Variants in HHIPL1 observed in about 807,000 individuals in gnomAD.
HHIPL1 encodes HHIP like 1.
HHIPL1 carries 43 observed loss-of-function variants against 61.8 expected under a neutral mutation model. The ratio of observed to expected loss-of-function variants is 0.70; its 90% confidence interval spans 0.55 to 0.90. HHIPL1 has a LOEUF of 0.90. HHIPL1 is among the 40% of genes least tolerant of loss of function. The pLI is 0.00. For missense variants in HHIPL1, 1,056 were observed against 1,157.7 expected, an observed-to-expected ratio of 0.91 and a Z score of 1.28; for synonymous variants, 482 against 515.8, an observed-to-expected ratio of 0.93 and a Z score of 0.89.
the HHIPL1 span, among the ~76,000 whole-genome samples, chr14:99,614,824 A>G: frequency 6.6e-6 from 1 of 152,224 alleles, no homozygotes; most frequent in African/African-American, 2.4e-5. Context: ...CGTTCACTTA[A>G]TGCCCTGATT....
chr14:99,635,285 G>C, the HHIPL1 span, among the ~76,000 whole-genome samples: 1 of 152,192 alleles, frequency 6.6e-6, no homozygotes, highest in Non-Finnish European at 1.5e-5. Flanking sequence ...TGGGACTTAG[G>C]GGCAAAGCAG....
chr14:99,633,273 G>A, the HHIPL1 span, among the ~76,000 whole-genome samples: 15 of 152,308 alleles, frequency 9.8e-5, no homozygotes, highest in Admixed American at 2.6e-4. Context: ...GGGAGGGTGC[G>A]CCAACCCCTG....
the HHIPL1 span, among the ~76,000 whole-genome samples, chr14:99,631,048 T>TCTTCTTTCTTTC: frequency 5.8e-5 from 7 of 120,430 alleles, no homozygotes; most frequent in African/African-American, 2.2e-4. Flanking sequence ...AGTGGCTCCA[T>TCTTCTTTCTTTC]TTTCTTTCTT....
the HHIPL1 span, among the ~76,000 whole-genome samples, chr14:99,627,286 A>G: frequency 6.6e-6 from 1 of 151,448 alleles, no homozygotes; most frequent in Non-Finnish European, 1.5e-5. This position sits in a 1 kb window ranked among gnomAD's most constrained non-coding sequence, Gnocchi z 4.4. Flanking sequence ...CTGTTCATCT[A>G]TTCATCCATC....
At chr14:99,647,676 C>T (rs145024506) in intron 1 of HHIPL1, among the ~76,000 whole-genome samples, 2,786 of 152,282 alleles carry the variant, frequency 0.018, 41 homozygotes, top group Non-Finnish European at 0.031. Context: ...AGCATGCTGG[C>T]GGGAGGACCA....
chr14:99,675,425 G>A lies in HHIPL1; in HGVS notation c.2148G>A (p.Leu716=), dbSNP rs1287558165. ...ISGAAVVCRQ[L]GFAYAVRAVK... is the part of the protein sequence containing the mutation. ...GCGCCGCCGTCGTGTGTCGCCAGCT[G>A]GGGTTTGCCTACGCCGTGCGCGCCG... is the stretch of plus-strand genomic sequence containing the variant. The change falls in exon 9 of 9, where the codon CTG becomes CTA. Residue 716 remains leucine (L), a synonymous_variant. Coordinates refer to ENST00000330710, the MANE Select transcript of HHIPL1 (RefSeq NM_001127258.3). The surrounding 1 kb of genome is among the most constrained non-coding windows in gnomAD (Gnocchi z 5.4). 1.3e-6 allele frequency: 2 copies of A among 1,533,640 alleles called. No homozygotes were observed. The highest frequency in any genetic ancestry group is 8.7e-7 in the Non-Finnish European group (1 of 1,143,634).
At chr14:99,629,664 AT>A in the HHIPL1 span, among the ~76,000 whole-genome samples, 145,869 of 150,836 alleles carry the variant, frequency 0.97, 70,710 homozygotes, top group East Asian at 1. Flanking sequence ...CGCCCGGCTA[AT>A]TTTTTTTTTT....
the HHIPL1 span, among the ~76,000 whole-genome samples, chr14:99,637,390 G>A: frequency 2.0e-5 from 3 of 151,878 alleles, no homozygotes; most frequent in African/African-American, 7.3e-5. Context: ...GGTGAAACCC[G>A]GTCTCTACTA....
chr14:99,612,312 C>T, the HHIPL1 span, among the ~76,000 whole-genome samples: 2 of 152,130 alleles, frequency 1.3e-5, no homozygotes, highest in African/African-American at 4.8e-5. Flanking sequence ...GGGATTATTA[C>T]AATTCAAGGT....
the HHIPL1 span, among the ~76,000 whole-genome samples, chr14:99,605,631 A>C: frequency 6.6e-6 from 1 of 152,202 alleles, no homozygotes; most frequent in African/African-American, 2.4e-5. Flanking sequence ...CAGGATGGGG[A>C]GAAGATAGAC....
chr14:99,642,762 G>A (rs1196770772), upstream of HHIPL1, among the ~76,000 whole-genome samples: 1 of 152,032 alleles, frequency 6.6e-6, no homozygotes, highest in East Asian at 1.9e-4. Flanking sequence ...CTGACATCGT[G>A]ATCCGCCCAC....
chr14:99,609,372 G>C, the HHIPL1 span, among the ~76,000 whole-genome samples: 1 of 152,292 alleles, frequency 6.6e-6, no homozygotes, highest in Non-Finnish European at 1.5e-5. Context: ...TCTGCACCAG[G>C]ACTATCTTCC....
chr14:99,643,527 C>G (rs1314895598), upstream of HHIPL1, among the ~76,000 whole-genome samples: 1 of 152,214 alleles, frequency 6.6e-6, no homozygotes, highest in East Asian at 1.9e-4. Context: ...ATGGCTGTGG[C>G]CCAGGCTCTG....
At chr14:99,640,050 T>C in the HHIPL1 span, among the ~76,000 whole-genome samples, 6 of 152,248 alleles carry the variant, frequency 3.9e-5, no homozygotes, top group Admixed American at 3.9e-4. Context: ...TTGATAGAGA[T>C]GGATTACCAT....
Position 99,652,281 on chromosome 14 carries a change from C to G in HHIPL1, c.313C>G (p.Arg105Gly). 1 of 1,613,790 alleles carries G rather than the reference C, an allele frequency of 6.2e-7. No individual in the cohort carries two copies. Among genetic ancestry groups the G allele is most frequent in the South Asian group, 1.1e-5 (1 of 91,070 alleles). The change falls in exon 2 of 9, where the codon CGC (arginine) becomes GGC (glycine). Residue 105 changes from arginine (R) to glycine (G), a missense_variant. Arg to Gly is a moderately radical substitution (Grantham distance 125). Coordinates refer to ENST00000330710, the MANE Select transcript of HHIPL1 (RefSeq NM_001127258.3). ...CGCCGAGGACCCATTCACGCCCCTG[C>G]GCACGGTGCCCGGGCTCTGCCAGGA... ...YDAEDPFTPL[R>G]TVPGLCQDYC...
At chr14:99,616,584 G>A in the HHIPL1 span, among the ~76,000 whole-genome samples, 1 of 152,242 alleles carries the variant, frequency 6.6e-6, no homozygotes, top group South Asian at 2.1e-4. Flanking sequence ...GAGAAAAGTT[G>A]CAGAATCAAA....
chr14:99,662,830 T>C (rs768216664), intron 5 of HHIPL1, 46 bp from the exon 6 acceptor site: 1 of 1,524,862 alleles, frequency 6.6e-7, no homozygotes, highest in Non-Finnish European at 8.8e-7. Context: ...TAGGTTCCCC[T>C]GGGTGCCATG....
chr14:99,641,433 T>C (rs1369399015), upstream of HHIPL1, among the ~76,000 whole-genome samples: 2 of 151,154 alleles, frequency 1.3e-5, no homozygotes, highest in African/African-American at 2.4e-5. Flanking sequence ...TTTTTTTTTT[T>C]CACAGAGTCT....
intron 7 of HHIPL1, 25 bp from the exon 8 acceptor site, chr14:99,672,292 A>G: frequency 6.5e-7 from 1 of 1,549,264 alleles, no homozygotes; most frequent in Non-Finnish European, 8.7e-7. Context: ...GGTGAGACTC[A>G]TAACCTCCTG....
Sources: gnomAD v4.1 joint callset for allele counts (sites outside exome capture counted in the v4.1 genomes callset) on GRCh38, gnomAD v4.1.1 for gene constraint, Gnocchi (gnomAD v3.1) non-coding constraint, MANE v1.5 for transcripts, NCBI Gene and HGNC (gene_info 2026-07-23, HGNC 2026-07-21) for gene names.